The following CCNY variants were observed in gnomAD, a reference collection of about 807,000 sequenced individuals.
CCNY encodes the protein cyclin Y, also known as cyclin-Y.
Under a neutral mutation model 42.8 loss-of-function variants are expected in CCNY, and 19 were observed. The observed-to-expected ratio is 0.44, with a 90% CI of 0.31 to 0.65. CCNY has a LOEUF of 0.65. CCNY is among the 30% of genes least tolerant of loss of function. The pLI, the probability that CCNY is intolerant of heterozygous loss-of-function variation, is 0.07. For synonymous variants in CCNY, 165 were observed against 162.7 expected, an observed-to-expected ratio of 1.01 and a Z score of -0.11; for missense variants, 370 against 437.3, an observed-to-expected ratio of 0.85 and a Z score of 1.37.
intron 2 of CCNY, among the ~76,000 whole-genome samples, chr10:35,499,622 GATATCTTTCATTTGCTGA>G (rs1276807413): frequency 6.6e-6 from 1 of 152,198 alleles, no homozygotes; most frequent in African/African-American, 2.4e-5. Flanking sequence ...TTGAGGCATG[GATATCTTTCATTTGCTGA>G]AGGCAGGGGC....
intron 8 of CCNY, among the ~76,000 whole-genome samples, chr10:35,559,135 G>A (rs1589209770): frequency 6.6e-6 from 1 of 152,216 alleles, no homozygotes; most frequent in African/African-American, 2.4e-5. Context: ...GCATTCACAT[G>A]TCATCATGAA....
chr10:35,514,086 A>AAAAC (rs1564441562), intron 3 of CCNY, among the ~76,000 whole-genome samples: 5 of 151,006 alleles, frequency 3.3e-5, no homozygotes, highest in Middle Eastern at 3.2e-3. Flanking sequence ...AAAAAAAAAA[A>AAAAC]AAAAAAAAAA....
At chr10:35,496,074 C>G (rs1839997285) in intron 2 of CCNY, among the ~76,000 whole-genome samples, 1 of 152,224 alleles carries the variant, frequency 6.6e-6, no homozygotes, top group Admixed American at 6.5e-5. Flanking sequence ...TCAACCAGAT[C>G]TTTGTGATCT....
At chr10:35,352,810 G>T (rs1836456629) in intron 1 of CCNY, among the ~76,000 whole-genome samples, 1 of 152,204 alleles carries the variant, frequency 6.6e-6, no homozygotes, top group Admixed American at 6.5e-5. Context: ...ATTAGTGAGG[G>T]GAAAGAGTGG....
chr10:35,540,437 C>T (rs1306936255), intron 7 of CCNY, among the ~76,000 whole-genome samples: 1 of 152,152 alleles, frequency 6.6e-6, no homozygotes, highest in East Asian at 1.9e-4. Context: ...TGTCGCTGGA[C>T]TCAGTTTGCT....
chr10:35,501,395 G>A, intron 2 of CCNY, 106 bp from the exon 3 acceptor site: 1 of 866,486 alleles, frequency 1.2e-6, no homozygotes, highest in Non-Finnish European at 2.0e-6. Context: ...GGGTATGTTG[G>A]TTGGTGGAAG....
chr10:35,283,569 A>G (rs1835321205), intron 3 of CCNY, among the ~76,000 whole-genome samples: 1 of 151,940 alleles, frequency 6.6e-6, no homozygotes, highest in Non-Finnish European at 1.5e-5. Flanking sequence ...ACGCTTGGCT[A>G]ATTTTTTGTA....
intron 1 of CCNY, among the ~76,000 whole-genome samples, chr10:35,442,866 A>C (rs1838703507): frequency 6.6e-6 from 1 of 152,240 alleles, no homozygotes; most frequent in Non-Finnish European, 1.5e-5. Context: ...TGAACATGAG[A>C]GAGTGTACTT....
chr10:35,534,394 G>A (rs1840836394), intron 7 of CCNY, among the ~76,000 whole-genome samples: 3 of 152,276 alleles, frequency 2.0e-5, no homozygotes, highest in Admixed American at 1.3e-4. Flanking sequence ...AACCTTGATT[G>A]AGCATTCCGT....
chr10:35,346,429 A>G (rs965050271), intron 1 of CCNY, among the ~76,000 whole-genome samples: 1 of 152,204 alleles, frequency 6.6e-6, no homozygotes, highest in Non-Finnish European at 1.5e-5. Context: ...CTGGCAAGTC[A>G]CATTGGTGGA....
chr10:35,436,836 T>C (rs1288111132), intron 1 of CCNY, among the ~76,000 whole-genome samples: 2 of 152,218 alleles, frequency 1.3e-5, no homozygotes, highest in Non-Finnish European at 1.5e-5. Context: ...ATCTATAATA[T>C]TCAGTTTTAA....
At chr10:35,522,005 T>A (rs931886416) in intron 4 of CCNY, among the ~76,000 whole-genome samples, 3 of 152,122 alleles carry the variant, frequency 2.0e-5, no homozygotes, top group African/African-American at 7.2e-5. Context: ...CAAGACCTTC[T>A]AAAGACAGGT....
chr10:35,364,537 T>A (rs116953762), intron 1 of CCNY, among the ~76,000 whole-genome samples: 1 of 152,352 alleles, frequency 6.6e-6, no homozygotes, highest in Non-Finnish European at 1.5e-5. Flanking sequence ...GCCAGTAGGA[T>A]GCTCTTTGAG....
chr10:35,367,180 A>T (rs780454638), intron 1 of CCNY, among the ~76,000 whole-genome samples: 1 of 152,140 alleles, frequency 6.6e-6, no homozygotes, highest in Non-Finnish European at 1.5e-5. Flanking sequence ...ATGTCAGTAA[A>T]CACACTTCTG....
At chr10:35,490,339 C>T (rs1839871325) in intron 2 of CCNY, among the ~76,000 whole-genome samples, 1 of 151,936 alleles carries the variant, frequency 6.6e-6, no homozygotes, top group African/African-American at 2.4e-5. Context: ...CCTATCACAC[C>T]TGTTTCTTAG....
chr10:35,508,868 T>A (rs1840265777), intron 3 of CCNY, among the ~76,000 whole-genome samples: 1 of 152,186 alleles, frequency 6.6e-6, no homozygotes, highest in Non-Finnish European at 1.5e-5. Flanking sequence ...AACATATTCA[T>A]CACCCCCAAA....
intron 3 of CCNY, among the ~76,000 whole-genome samples, chr10:35,279,488 G>A (rs775491136): frequency 1.3e-5 from 2 of 152,214 alleles, no homozygotes; most frequent in Non-Finnish European, 2.9e-5. Flanking sequence ...CATCTGCTCT[G>A]TTTTCCCTCA....
At chr10:35,553,308 T>C in intron 8 of CCNY, 123 bp downstream of exon 8, 1 of 913,290 alleles carries the variant, frequency 1.1e-6, no homozygotes, top group Non-Finnish European at 1.6e-6. Context: ...GAATGTCTGT[T>C]GTGAGCTGTT....
rs183529153 is a variant in CCNY, at chr10:35,288,391, T to G, written c.-9+37765T>G. Among the ~76,000 whole-genome samples the G allele has an allele frequency of 9.9e-5, 15 of 152,284 alleles. No individual in the cohort carries two copies. The East Asian group carries it at 2.9e-3, about 29-fold the overall frequency. On this transcript the variant is annotated intron_variant, in intron 3 of 11. Coordinates refer to the CCNY transcript ENST00000374706. The stretch of plus-strand genomic sequence containing the variant: ...TGTCTTATTATTGTTATCAAAATTT[T>G]TCTATATATTCTAGAAATGAATAAT...
Sources: gnomAD v4.1 joint callset for allele counts (sites outside exome capture counted in the v4.1 genomes callset) on GRCh38, gnomAD v4.1.1 for gene constraint, MANE v1.5 for transcripts, NCBI Gene and HGNC (gene_info 2026-07-23, HGNC 2026-07-21) for gene names.